The following LRRC37A2 variants were observed in gnomAD, a reference collection of about 807,000 sequenced individuals.
LRRC37A2 encodes the protein leucine rich repeat containing 37 member A2.
LRRC37A2 carries 9 observed loss-of-function variants against 68.8 expected under a neutral mutation model. The ratio of observed to expected loss-of-function variants is 0.13; its 90% CI spans 0.08 to 0.23. LRRC37A2 has a LOEUF of 0.23. LRRC37A2 is among the 10% of genes least tolerant of loss of function. The pLI, the probability that LRRC37A2 is intolerant of heterozygous loss-of-function variation, is 1.00. For synonymous variants in LRRC37A2, 63 were observed against 367.6 expected (o/e 0.17, Z 9.48); for missense variants, 168 against 950.4 (o/e 0.18, Z 10.82).
the LRRC37A2 span, among the ~76,000 whole-genome samples, chr17:46,818,360 A>G: frequency 5.8e-5 from 8 of 136,778 alleles, no homozygotes; most frequent in African/African-American, 2.1e-4. Context: ...TGAAGGCGAC[A>G]CCAGCAGAAA....
the LRRC37A2 span, among the ~76,000 whole-genome samples, chr17:46,841,740 T>C: frequency 1.3e-5 from 2 of 152,022 alleles, no homozygotes; most frequent in South Asian, 2.1e-4. Flanking sequence ...GCAGAGGAGA[T>C]GGAGGTTCTG....
chr17:46,943,958 C>G, the LRRC37A2 span, among the ~76,000 whole-genome samples: 1 of 152,016 alleles, frequency 6.6e-6, no homozygotes, highest in African/African-American at 2.4e-5. Flanking sequence ...GTGACTAATG[C>G]AGGGTATCTA....
At chr17:46,678,171 T>TA in the LRRC37A2 span, among the ~76,000 whole-genome samples, 8 of 104,498 alleles carry the variant, frequency 7.7e-5, no homozygotes, top group Non-Finnish European at 1.3e-4. Context: ...TGGAAACAGA[T>TA]ACACAAACAA....
the LRRC37A2 span, among the ~76,000 whole-genome samples, chr17:47,036,353 A>G: frequency 6.1e-3 from 921 of 152,218 alleles, 18 homozygotes; most frequent in African/African-American, 0.021. Flanking sequence ...CATTAAATTC[A>G]AAAGACAAAA....
At chr17:47,002,363 T>C in the LRRC37A2 span, among the ~76,000 whole-genome samples, 1 of 148,832 alleles carries the variant, frequency 6.7e-6, no homozygotes, top group South Asian at 2.2e-4. Flanking sequence ...AATCCAATTA[T>C]ACACTCTTAA....
chr17:46,553,229 GACT>G (rs2056983210), intron 11 of LRRC37A2, 168 bp from the exon 11 acceptor site: 1 of 831,614 alleles, frequency 1.2e-6, no homozygotes, highest in Non-Finnish European at 1.4e-6. Flanking sequence ...TAGCAAGGAT[GACT>G]GAACTATGGA....
At chr17:46,940,850 C>T in the LRRC37A2 span, 11 of 1,442,506 alleles carry the variant, frequency 7.6e-6, no homozygotes, top group South Asian at 1.6e-4. Flanking sequence ...TGTCTGGACA[C>T]CCAGGGGCAT....
At chr17:46,822,457 C>T in the LRRC37A2 span, among the ~76,000 whole-genome samples, 3 of 152,230 alleles carry the variant, frequency 2.0e-5, no homozygotes, top group Non-Finnish European at 2.9e-5. Flanking sequence ...CACAAAGGAG[C>T]GCAGGTGCAC....
chr17:46,635,777 A>ATATGTGTGTGTGTG, the LRRC37A2 span, among the ~76,000 whole-genome samples: 2 of 116,704 alleles, frequency 1.7e-5, no homozygotes, highest in East Asian at 2.0e-4. Context: ...GGGAAAATAA[A>ATATGTGTGTGTGTG]TGTGTGTGTG....
the LRRC37A2 span, among the ~76,000 whole-genome samples, chr17:46,902,898 A>T: frequency 2.0e-5 from 3 of 152,158 alleles, no homozygotes; most frequent in African/African-American, 7.2e-5. Context: ...CTTTTCAGAG[A>T]CTAATTTGCA....
chr17:46,979,814 C>G, the LRRC37A2 span, among the ~76,000 whole-genome samples: 1 of 151,502 alleles, frequency 6.6e-6, no homozygotes, highest in Non-Finnish European at 1.5e-5. Flanking sequence ...TTTACACAAA[C>G]ATAGTCATTG....
chr17:47,015,292 G>A, the LRRC37A2 span, among the ~76,000 whole-genome samples: 1 of 152,214 alleles, frequency 6.6e-6, no homozygotes, highest in Admixed American at 6.5e-5. Flanking sequence ...ACAGGCATGA[G>A]CCACTGCGCC....
the LRRC37A2 span, among the ~76,000 whole-genome samples, chr17:46,984,779 G>A: frequency 3.3e-5 from 5 of 152,302 alleles, no homozygotes; most frequent in South Asian, 6.2e-4. Context: ...AATTGTTCAC[G>A]TTTGTCAATA....
At chr17:46,742,259 G>T in the LRRC37A2 span, among the ~76,000 whole-genome samples, 1 of 152,188 alleles carries the variant, frequency 6.6e-6, no homozygotes, top group Non-Finnish European at 1.5e-5. Context: ...GCTCAGAGGT[G>T]TAGACTCTGA....
the LRRC37A2 span, among the ~76,000 whole-genome samples, chr17:47,034,386 T>A: frequency 6.6e-6 from 1 of 152,060 alleles, no homozygotes; most frequent in African/African-American, 2.4e-5. Context: ...GCCCTACATT[T>A]TGATTTCATT....
At chr17:46,534,079 A>C (rs1262479997) in intron 6 of LRRC37A2, among the ~76,000 whole-genome samples, 1 of 135,436 alleles carries the variant, frequency 7.4e-6, no homozygotes, top group Non-Finnish European at 1.5e-5. Flanking sequence ...TGGTGCAACC[A>C]CTCACAACGT....
the LRRC37A2 span, among the ~76,000 whole-genome samples, chr17:46,946,188 C>T: frequency 6.6e-6 from 1 of 151,130 alleles, no homozygotes; most frequent in Non-Finnish European, 1.5e-5. Context: ...GTAATCCCAG[C>T]ACTTTGGGAG....
the LRRC37A2 span, among the ~76,000 whole-genome samples, chr17:46,691,561 C>T: frequency 6.6e-6 from 1 of 150,504 alleles, no homozygotes; most frequent in East Asian, 2.0e-4. Context: ...CGTCATTGCA[C>T]TCCAGCCTGG....
the LRRC37A2 span, among the ~76,000 whole-genome samples, chr17:46,657,266 C>T: frequency 7.9e-6 from 1 of 125,876 alleles, no homozygotes; most frequent in Admixed American, 8.1e-5. Flanking sequence ...ACATGCACTG[C>T]CAAATTTAGA....
Sources: gnomAD v4.1 joint callset for allele counts (sites outside exome capture counted in the v4.1 genomes callset) on GRCh38, gnomAD v4.1.1 for gene constraint, MANE v1.5 for transcripts, NCBI Gene and HGNC (gene_info 2026-07-23, HGNC 2026-07-21) for gene names.